The following CNTN4 variants were observed in gnomAD, a reference collection of about 807,000 sequenced individuals.
CNTN4 encodes contactin 4.
A neutral mutation model predicts 122.5 loss-of-function variants in CNTN4; 77 were observed. The observed-to-expected ratio is 0.63, with a 90% CI of 0.52 to 0.76. The LOEUF (loss-of-function observed/expected upper bound fraction) is 0.76. Among genes scored for constraint, CNTN4 ranks in the 30% least tolerant of loss-of-function variants. The pLI, the probability that CNTN4 is intolerant of heterozygous loss-of-function variation, is 0.00. For missense variants in CNTN4, 1,256 were observed against 1,259.1 expected (o/e 1.00, Z 0.04); for synonymous variants, 512 against 447.0 (o/e 1.15, Z -1.83).
At chr3:2,647,997 T>C (rs73112537) in intron 4 of CNTN4, among the ~76,000 whole-genome samples, 3,256 of 152,306 alleles carry the variant, frequency 0.021, 128 homozygotes, top group African/African-American at 0.073. Context: ...TTATGCAAAT[T>C]GCTATGTTCT....
intron 6 of CNTN4, among the ~76,000 whole-genome samples, chr3:2,794,144 A>G (rs2092096883): frequency 6.6e-6 from 1 of 152,128 alleles, no homozygotes; most frequent in African/African-American, 2.4e-5. Context: ...AATAATGAAA[A>G]CCATGTGCCA....
At chr3:2,788,896 T>C (rs955237181) in intron 6 of CNTN4, among the ~76,000 whole-genome samples, 4 of 152,206 alleles carry the variant, frequency 2.6e-5, no homozygotes, top group African/African-American at 9.6e-5. Context: ...GTCAAAGACT[T>C]TGGTCTTTAC....
intron 2 of CNTN4, among the ~76,000 whole-genome samples, chr3:2,324,835 C>A (rs1040618867): frequency 2.0e-5 from 3 of 152,068 alleles, no homozygotes; most frequent in African/African-American, 7.2e-5. Context: ...TTTCCAACCT[C>A]GCAAACAATC....
intron 3 of CNTN4, among the ~76,000 whole-genome samples, chr3:2,414,177 A>G (rs1339431917): frequency 1.3e-5 from 2 of 152,170 alleles, no homozygotes; most frequent in African/African-American, 4.8e-5. Flanking sequence ...GTGGGTAGAT[A>G]CCAAAGGTCC....
chr3:2,152,717 G>C (rs989728696), intron 2 of CNTN4, among the ~76,000 whole-genome samples: 2 of 152,166 alleles, frequency 1.3e-5, no homozygotes, highest in African/African-American at 4.8e-5. Flanking sequence ...CCGTTCCCAG[G>C]GCGTAGTTCT....
intron 13 of CNTN4, among the ~76,000 whole-genome samples, chr3:2,938,149 C>T (rs1192378069): frequency 1.3e-5 from 2 of 152,096 alleles, no homozygotes; most frequent in Non-Finnish European, 2.9e-5. Flanking sequence ...TTTGATCTCT[C>T]GTTATATCAC....
intron 4 of CNTN4, among the ~76,000 whole-genome samples, chr3:2,726,496 G>C (rs1386692002): frequency 6.6e-6 from 1 of 152,178 alleles, no homozygotes; most frequent in Admixed American, 6.5e-5. Context: ...ATGAGGAGCA[G>C]TGGATACTGA....
At chr3:2,549,828 C>A (rs2078410111) in intron 3 of CNTN4, among the ~76,000 whole-genome samples, 1 of 152,018 alleles carries the variant, frequency 6.6e-6, no homozygotes, top group Non-Finnish European at 1.5e-5. Flanking sequence ...CCATCTGGTC[C>A]TGGGCTTCTT....
intron 5 of CNTN4, among the ~76,000 whole-genome samples, chr3:2,744,287 A>AT (rs1208460878): frequency 2.0e-5 from 3 of 152,144 alleles, no homozygotes; most frequent in Admixed American, 6.5e-5. Context: ...ACTCACGTAC[A>AT]TTTTTTTCAT....
intron 2 of CNTN4, among the ~76,000 whole-genome samples, chr3:2,252,486 A>G (rs2040416468): frequency 6.6e-6 from 1 of 152,032 alleles, no homozygotes; most frequent in South Asian, 2.1e-4. Flanking sequence ...TTGCACTTCC[A>G]TTGACTATGT....
rs115978125 is a variant in CNTN4, at chr3:2,809,099, G to C, written c.359-10387G>C. Among the ~76,000 whole-genome samples, 932 of 152,300 alleles carry C rather than the reference G, an allele frequency of 6.1e-3. 6 individuals carry two copies. The highest frequency in any genetic ancestry group is 0.01 in the Non-Finnish European group (707 of 68,032). Reference sequence around the variant, plus strand: ...TGCCCCACAGTGAGCTTTTATTTGGGGAGGCAATGGAGACAGTAAAAAAGA... The same window carrying C: ...TGCCCCACAGTGAGCTTTTATTTGGCGAGGCAATGGAGACAGTAAAAAAGA... On this transcript the variant is annotated intron_variant, in intron 6 of 24. Coordinates refer to ENST00000418658, the MANE Select transcript of CNTN4 (RefSeq NM_175607.3).
At chr3:2,970,540 G>A (rs1362097733) in intron 13 of CNTN4, among the ~76,000 whole-genome samples, 1 of 151,950 alleles carries the variant, frequency 6.6e-6, no homozygotes, top group African/African-American at 2.4e-5. Context: ...TCGACCTGCT[G>A]GGCTCAAGCA....
At chr3:2,711,320 C>T (rs1174971516) in intron 4 of CNTN4, among the ~76,000 whole-genome samples, 1 of 152,186 alleles carries the variant, frequency 6.6e-6, no homozygotes, top group Admixed American at 6.5e-5. Flanking sequence ...CAGCCAGTTT[C>T]TGCCTCCTGG....
At chr3:2,487,798 G>A (rs762179167) in intron 3 of CNTN4, among the ~76,000 whole-genome samples, 2 of 152,078 alleles carry the variant, frequency 1.3e-5, no homozygotes, top group Non-Finnish European at 2.9e-5. Context: ...ATCTCCTATT[G>A]TATTTGGCAC....
intron 3 of CNTN4, among the ~76,000 whole-genome samples, chr3:2,484,960 G>T (rs924381335): frequency 6.6e-6 from 1 of 152,180 alleles, no homozygotes; most frequent in Admixed American, 6.5e-5. Flanking sequence ...ACCGGCCAGC[G>T]CGAGTTCCAG....
intron 13 of CNTN4, among the ~76,000 whole-genome samples, chr3:2,953,522 G>C (rs760745548): frequency 1.3e-5 from 2 of 151,702 alleles, no homozygotes; most frequent in Non-Finnish European, 2.9e-5. Context: ...CTGACCCGGG[G>C]CACAGTTTTT....
intron 22 of CNTN4, 101 bp from the exon 23 acceptor site, chr3:3,043,491 C>G (rs1278389117): frequency 1.1e-5 from 9 of 848,822 alleles, no homozygotes; most frequent in African/African-American, 3.4e-5. Context: ...TGCAATAGCC[C>G]ATTAAATTGC....
chr3:2,265,384 A>G (rs944742870), intron 2 of CNTN4, among the ~76,000 whole-genome samples: 1 of 151,882 alleles, frequency 6.6e-6, no homozygotes, highest in Non-Finnish European at 1.5e-5. Flanking sequence ...ACATGGATTT[A>G]TTTCTCAGTT....
intron 6 of CNTN4, among the ~76,000 whole-genome samples, chr3:2,764,532 A>C (rs1344906671): frequency 6.6e-6 from 1 of 152,134 alleles, no homozygotes; most frequent in East Asian, 1.9e-4. Flanking sequence ...GGGAGGGAGG[A>C]AGAAAAGGGA....
Sources: allele counts gnomAD v4.1 joint callset (sites outside exome capture counted in the v4.1 genomes callset), GRCh38; gene constraint gnomAD v4.1.1; transcripts MANE v1.5; gene names NCBI Gene and HGNC (gene_info 2026-07-23, HGNC 2026-07-21).